ADD3: variants seen among roughly 807,000 people sequenced by gnomAD.
ADD3 encodes the protein adducin 3.
In ADD3, 25 loss-of-function variants were observed where a neutral mutation model predicts 80.2. The ratio of observed to expected loss-of-function variants is 0.31; its 90% CI spans 0.23 to 0.44. The LOEUF is 0.44. Among genes scored for constraint, ADD3 ranks in the 20% least tolerant of loss-of-function variants. The pLI, the probability that ADD3 is intolerant of heterozygous loss-of-function variation, is 1.00. For synonymous variants in ADD3, 284 were observed against 289.6 expected (o/e 0.98, Z 0.20); for missense variants, 829 against 847.5 (o/e 0.98, Z 0.27).
chr10:110,060,383 A>G (rs1244435731), intron 1 of ADD3, among the ~76,000 whole-genome samples: 1 of 152,188 alleles, frequency 6.6e-6, no homozygotes, highest in Non-Finnish European at 1.5e-5. Context: ...GTGTGCTGCA[A>G]AAACTAAATG....
At chr10:110,080,538 C>T (rs1845948399) in intron 1 of ADD3, among the ~76,000 whole-genome samples, 1 of 152,092 alleles carries the variant, frequency 6.6e-6, no homozygotes, top group South Asian at 2.1e-4. Context: ...ATAAACTATC[C>T]TTTTCTCAAA....
rs527439059 is a variant in ADD3, at chr10:110,092,313, A to G, written c.-29-8312A>G. 1.4e-4 allele frequency among the ~76,000 whole-genome samples: 21 copies of G among 152,312 alleles called. 1 individual carries two copies. The highest frequency in any genetic ancestry group is 3.9e-4 in the East Asian group (2 of 5,190). On this transcript the variant is annotated intron_variant, in intron 1 of 14. Coordinates refer to ENST00000356080, the MANE Select transcript of ADD3 (RefSeq NM_016824.5). ...CCACAATAGCAAAGACATGGAATCA[A>G]TCACCTAGATGTCCATAACAGTGGT...
At chr10:110,049,357 C>T (rs1266556383) in intron 1 of ADD3, among the ~76,000 whole-genome samples, 1 of 152,182 alleles carries the variant, frequency 6.6e-6, no homozygotes, top group Non-Finnish European at 1.5e-5. Context: ...CCTAGTGGAG[C>T]TGTGAGAAGA....
chr10:110,063,136 G>A, intron 1 of ADD3, among the ~76,000 whole-genome samples: 1 of 152,080 alleles, frequency 6.6e-6, no homozygotes, highest in East Asian at 1.9e-4. Flanking sequence ...GATTTTAAGT[G>A]TTTTGTGAAT....
chr10:110,008,916 G>A lies in ADD3; in HGVS notation c.-30+617G>A, dbSNP rs1387517226. The stretch of plus-strand genomic sequence containing the variant: ...ATGTTAGGTTGAGCTTCCTGCTAGG[G>A]GTGACAAGCGAAGTTGGCAGCAGGT... On this transcript the variant is annotated intron_variant, in intron 1 of 14. Coordinates refer to ENST00000356080, the MANE Select transcript of ADD3 (RefSeq NM_016824.5). Among the ~76,000 whole-genome samples the A allele has an allele frequency of 1.3e-5, 2 of 152,144 alleles. 1 individual carries two copies. The highest frequency in any genetic ancestry group is 3.9e-4 in the East Asian group (2 of 5,180).
At chr10:110,033,050 ATCAT>A (rs758633683) in intron 1 of ADD3, among the ~76,000 whole-genome samples, 13 of 152,252 alleles carry the variant, frequency 8.5e-5, no homozygotes, top group Non-Finnish European at 1.6e-4. Context: ...ATTTAATTTA[ATCAT>A]TCATCCCTTT....
intron 1 of ADD3, among the ~76,000 whole-genome samples, chr10:110,026,755 T>C (rs1352931379): frequency 6.6e-6 from 1 of 151,824 alleles, no homozygotes; most frequent in African/African-American, 2.4e-5. Flanking sequence ...CTATGTAATA[T>C]TTCTTTTAAG....
At chr10:110,113,032 C>G in intron 3 of ADD3, 117 bp downstream of exon 3, 1 of 1,092,184 alleles carries the variant, frequency 9.2e-7, no homozygotes, top group South Asian at 1.5e-5. Flanking sequence ...ACATCTAATA[C>G]TTAGAGTAAC....
intron 1 of ADD3, among the ~76,000 whole-genome samples, chr10:110,097,722 C>T (rs1564972297): frequency 6.6e-6 from 1 of 151,752 alleles, no homozygotes; most frequent in African/African-American, 2.4e-5. Context: ...GTCTTAGTCT[C>T]CTTTGTCTTC....
chr10:110,029,525 A>G (rs1854737100), intron 1 of ADD3, among the ~76,000 whole-genome samples: 1 of 152,218 alleles, frequency 6.6e-6, no homozygotes, highest in Non-Finnish European at 1.5e-5. Context: ...TGAGATATTT[A>G]TTTGAAAATT....
At chr10:110,044,223 T>C (rs544652772) in intron 1 of ADD3, among the ~76,000 whole-genome samples, 1 of 152,292 alleles carries the variant, frequency 6.6e-6, no homozygotes, top group East Asian at 1.9e-4. Flanking sequence ...AACAAAATTC[T>C]GTTGAACATC....
intron 1 of ADD3, among the ~76,000 whole-genome samples, chr10:110,055,350 G>T (rs1412886236): frequency 6.6e-6 from 1 of 152,112 alleles, no homozygotes; most frequent in Non-Finnish European, 1.5e-5. Flanking sequence ...AATATTACAC[G>T]TGGTACTTCT....
chr10:110,126,007 G>A, intron 11 of ADD3, 62 bp downstream of exon 11: 1 of 1,508,408 alleles, frequency 6.6e-7, no homozygotes, highest in African/African-American at 1.4e-5. Flanking sequence ...TAAATCACCA[G>A]TGGTTGAATC....
chr10:110,024,038 A>G (rs1308487567), intron 1 of ADD3, among the ~76,000 whole-genome samples: 1 of 152,192 alleles, frequency 6.6e-6, no homozygotes, highest in East Asian at 1.9e-4. Flanking sequence ...GGAGGGGATA[A>G]GGGCTGAAAA....
In ADD3 at chr10:110,020,158, C is replaced by T. The variant is rs147292855; in HGVS notation, c.-30+11859C>T. ...TTAGCCCTTATTTTTTTGAGCAGCT[C>T]GGTGCATCCTTTATTCATTTATTCA... On this transcript the variant is annotated intron_variant, in intron 1 of 14. Coordinates refer to ENST00000356080, the MANE Select transcript of ADD3 (RefSeq NM_016824.5). Among the ~76,000 whole-genome samples, 498 of 152,162 alleles carry T rather than the reference C, an allele frequency of 3.3e-3. 3 individuals carry two copies. Among genetic ancestry groups the T allele is most frequent in the African/African-American group, 0.01 (431 of 41,498 alleles).
chr10:110,030,207 C>T (rs1361309463), intron 1 of ADD3, among the ~76,000 whole-genome samples: 1 of 150,984 alleles, frequency 6.6e-6, no homozygotes, highest in Non-Finnish European at 1.5e-5. Flanking sequence ...CTTGTAATCC[C>T]AGCTACTAGG....
chr10:110,087,957 C>T (rs1033812372), intron 1 of ADD3, among the ~76,000 whole-genome samples: 21 of 152,240 alleles, frequency 1.4e-4, no homozygotes, highest in Admixed American at 5.2e-4. Flanking sequence ...TTCCATGCCC[C>T]TCCCCGGGCT....
intron 12 of ADD3, among the ~76,000 whole-genome samples, chr10:110,128,372 C>T (rs11194995): frequency 0.13 from 20,019 of 151,200 alleles, 4,244 homozygotes; most frequent in African/African-American, 0.45. Context: ...GTTTTCTAAC[C>T]CTTTTAATTT....
chr10:110,030,965 G>C (rs1854938096), intron 1 of ADD3, among the ~76,000 whole-genome samples: 1 of 151,422 alleles, frequency 6.6e-6, no homozygotes, highest in African/African-American at 2.4e-5. Context: ...CCAGCTTCTT[G>C]AAAACAGGTG....
Sources: gnomAD v4.1 joint callset for allele counts (sites outside exome capture counted in the v4.1 genomes callset) on GRCh38, gnomAD v4.1.1 for gene constraint, MANE v1.5 for transcripts, NCBI Gene and HGNC (gene_info 2026-07-23, HGNC 2026-07-21) for gene names.